DLGAP1: variants seen among roughly 807,000 people sequenced by gnomAD.
The protein encoded by DLGAP1 is DLG associated protein 1, also known as disks large-associated protein 1.
DLGAP1 carries 11 observed loss-of-function variants against 90.8 expected under a neutral mutation model. The observed-to-expected ratio is 0.12, with a 90% CI of 0.08 to 0.20. The LOEUF is 0.20. Among genes scored for constraint, DLGAP1 ranks in the 10% least tolerant of loss-of-function variants. The pLI is 1.00. For synonymous variants in DLGAP1, 558 were observed against 540.7 expected, an observed-to-expected ratio of 1.03 and a Z score of -0.44; for missense variants, 1,050 against 1,333.8, an observed-to-expected ratio of 0.79 and a Z score of 3.31.
intron 1 of DLGAP1, among the ~76,000 whole-genome samples, chr18:4,280,080 A>G (rs1052298043): frequency 6.6e-5 from 10 of 152,330 alleles, no homozygotes; most frequent in African/African-American, 1.4e-4. Context: ...TTTGTTAAAT[A>G]TGACATACTG....
intron 1 of DLGAP1, among the ~76,000 whole-genome samples, chr18:4,357,369 G>A (rs1186166907): frequency 3.3e-5 from 5 of 151,790 alleles, no homozygotes; most frequent in Non-Finnish European, 7.4e-5. Context: ...AATTAGGCTG[G>A]TCTCTAACTC....
rs1568109319 is a variant in DLGAP1, at chr18:3,772,380, CTTTCTTTCTT to C, written c.1173-29878_1173-29869del. Reference sequence around the variant, plus strand: ...TCTTTCTTTCTTTCTTTCTTTCTTTCTTTCTTTCTTTCTTTCTTTCTTTCTTTCTCTTTCT... The same window carrying C: ...TCTTTCTTTCTTTCTTTCTTTCTTTCTCTTTCTTTCTTTCTTTCTCTTTCT... On this transcript the variant is annotated intron_variant, in intron 5 of 12. Coordinates refer to ENST00000315677, the MANE Select transcript of DLGAP1 (RefSeq NM_004746.4). 5.2e-3 allele frequency among the ~76,000 whole-genome samples: 153 copies of C among 29,226 alleles called. 15 individuals are homozygous for C. The highest frequency in any genetic ancestry group is 9.0e-3 in the East Asian group (6 of 664). 19.2% of individuals were successfully genotyped at this position (29,226 alleles called of 152,430 possible).
At chr18:3,652,633 G>C (rs575959184) in intron 7 of DLGAP1, among the ~76,000 whole-genome samples, 38 of 152,198 alleles carry the variant, frequency 2.5e-4, no homozygotes, top group African/African-American at 8.9e-4. Context: ...GTGAACCACC[G>C]CACCCAGCCC....
intron 1 of DLGAP1, among the ~76,000 whole-genome samples, chr18:4,176,062 T>C (rs952613789): frequency 2.0e-5 from 3 of 152,238 alleles, no homozygotes; most frequent in Admixed American, 2.0e-4. Flanking sequence ...TCCATGAGAA[T>C]GGAATGTTTT....
chr18:4,220,649 A>C (rs1369778709), intron 1 of DLGAP1, among the ~76,000 whole-genome samples: 1 of 152,130 alleles, frequency 6.6e-6, no homozygotes, highest in African/African-American at 2.4e-5. Flanking sequence ...CTCCATTGAC[A>C]TGGTAAATTT....
chr18:3,840,672 G>A (rs541922352), intron 4 of DLGAP1, among the ~76,000 whole-genome samples: 5 of 152,146 alleles, frequency 3.3e-5, no homozygotes, highest in African/African-American at 1.2e-4. Flanking sequence ...CACTAACTAC[G>A]ACCACCCACA....
intron 7 of DLGAP1, among the ~76,000 whole-genome samples, chr18:3,587,244 A>G (rs1405277611): frequency 6.6e-6 from 1 of 152,040 alleles, no homozygotes; most frequent in African/African-American, 2.4e-5. Context: ...TAGTAGAGAC[A>G]GAGTTTCACC....
rs141318689 is a variant in DLGAP1, at chr18:3,612,678, A to T, written c.1592-30430T>A. On this transcript the variant is annotated intron_variant, in intron 7 of 12. Transcript: ENST00000315677. Reference sequence around the variant, plus strand: ...AACACACTCAAAATTCTGACTTCATAGGACCTTTGAATTACAGTTTCATAA... The same window carrying T: ...AACACACTCAAAATTCTGACTTCATTGGACCTTTGAATTACAGTTTCATAA... Among the ~76,000 whole-genome samples, 905 of 152,372 alleles carry T rather than the reference A, an allele frequency of 5.9e-3. 9 individuals carry two copies. The highest frequency in any genetic ancestry group is 0.021 in the African/African-American group (853 of 41,588).
rs145354610 is a variant in DLGAP1 at position 4,132,914 on chromosome 18, A to C, written c.-159+18266T>G. ...AGGTAATTAAATGTACTTGTTACAC[A>C]TTTATTGAGCATTTGCAAGTTACCA... On this transcript the variant is annotated intron_variant, in intron 2 of 12. Transcript: ENST00000315677. Among the ~76,000 whole-genome samples the C allele has an allele frequency of 3.2e-3, 483 of 152,312 alleles. 2 individuals are homozygous for C. The highest frequency in any genetic ancestry group is 0.011 in the African/African-American group (456 of 41,566).
At chr18:3,853,005 T>C (rs189756322) in intron 4 of DLGAP1, among the ~76,000 whole-genome samples, 312 of 152,192 alleles carry the variant, frequency 2.1e-3, no homozygotes, top group Non-Finnish European at 3.1e-3. Flanking sequence ...CTGAAACTAG[T>C]TGGGCATTTA....
intron 1 of DLGAP1, among the ~76,000 whole-genome samples, chr18:4,340,245 C>A (rs1364012539): frequency 6.6e-6 from 1 of 152,074 alleles, no homozygotes; most frequent in Non-Finnish European, 1.5e-5. Flanking sequence ...GGTCTGATAA[C>A]TGAGATGGCT....
At chr18:4,353,273 G>C (rs2081437642) in intron 1 of DLGAP1, among the ~76,000 whole-genome samples, 1 of 152,076 alleles carries the variant, frequency 6.6e-6, no homozygotes. Flanking sequence ...AACTGGCTCA[G>C]TAAAGGCTTC....
At chr18:3,634,295 T>A (rs1479954846) in intron 7 of DLGAP1, among the ~76,000 whole-genome samples, 2 of 152,200 alleles carry the variant, frequency 1.3e-5, no homozygotes, top group East Asian at 3.8e-4. Context: ...TGAATCTTTT[T>A]TATAATACAT....
intron 7 of DLGAP1, among the ~76,000 whole-genome samples, chr18:3,632,491 C>T (rs545440912): frequency 2.9e-4 from 44 of 152,064 alleles, no homozygotes; most frequent in African/African-American, 9.2e-4. Context: ...TTCGCAGAGA[C>T]GGGGTTTCAC....
chr18:3,648,217 T>G (rs575070483), intron 7 of DLGAP1, among the ~76,000 whole-genome samples: 1 of 152,356 alleles, frequency 6.6e-6, no homozygotes, highest in Non-Finnish European at 1.5e-5. Context: ...TTTTGCATTT[T>G]GTTGAAACAT....
At chr18:4,452,695 A>G (rs1249478279) in intron 1 of DLGAP1, among the ~76,000 whole-genome samples, 1 of 152,162 alleles carries the variant, frequency 6.6e-6, no homozygotes, top group East Asian at 1.9e-4. Context: ...ATTTGCTTTC[A>G]CTAATCGCTA....
chr18:3,791,423 T>G (rs746241474), intron 5 of DLGAP1, among the ~76,000 whole-genome samples: 76 of 152,138 alleles, frequency 5.0e-4, no homozygotes, highest in Non-Finnish European at 9.4e-4. Context: ...ATAAGAACAA[T>G]GGATCCAAAA....
intron 11 of DLGAP1, 140 bp from the exon 12 acceptor site, chr18:3,502,785 G>A: frequency 1.2e-6 from 1 of 863,590 alleles, no homozygotes. Flanking sequence ...TAAAAGTGAG[G>A]TTACAAATGT....
At chr18:4,151,028 C>A (rs1053409307) in intron 2 of DLGAP1, among the ~76,000 whole-genome samples, 152 bp downstream of exon 2, 2 of 152,138 alleles carry the variant, frequency 1.3e-5, no homozygotes, top group African/African-American at 4.8e-5. Flanking sequence ...ATTCAACAGA[C>A]TGTTAATATG....
Sources: allele counts gnomAD v4.1 joint callset (sites outside exome capture counted in the v4.1 genomes callset), GRCh38; gene constraint gnomAD v4.1.1; transcripts MANE v1.5; gene names NCBI Gene and HGNC (gene_info 2026-07-23, HGNC 2026-07-21).